Variants in NUDT4 observed in about 807,000 individuals in gnomAD.
NUDT4 encodes the protein diphosphoinositol polyphosphate phosphohydrolase 2.
NUDT4 carries 5 observed loss-of-function variants against 23.1 expected under a neutral mutation model. The observed-to-expected ratio is 0.22, with a 90% confidence interval of 0.11 to 0.46. The LOEUF (loss-of-function observed/expected upper bound fraction) is 0.46. NUDT4 is among the 20% of genes least tolerant of loss of function. NUDT4 has a pLI of 0.99. For missense variants in NUDT4, 96 were observed against 211.6 expected (o/e 0.45, Z 3.39); for synonymous variants, 50 against 79.0 (o/e 0.63, Z 1.95).
intron 1 of NUDT4, among the ~76,000 whole-genome samples, chr12:93,393,451 A>G (rs1212418646): frequency 6.6e-6 from 1 of 152,012 alleles, no homozygotes; most frequent in African/African-American, 2.4e-5. Flanking sequence ...TAGACTTCCA[A>G]ATTAAGGGCC....
In NUDT4 at chr12:93,403,704, A is replaced by G. The variant is rs887188643; in HGVS notation, c.*4325A>G. The G allele has an allele frequency of 1.3e-5, 2 of 152,198 alleles. No individual in the cohort carries two copies. Among genetic ancestry groups the G allele is most frequent in the African/African-American group, 2.4e-5 (1 of 41,442 alleles). The allele number at this position is 152,198 out of a possible 1,614,324, so 9.4% of individuals were successfully genotyped here. The stretch of plus-strand genomic sequence containing the variant: ...GACTTATACCATCTTCAAAAGCAAT[A>G]CAATTTTATTTGTAGACGTGATTTC... On this transcript the variant is annotated 3_prime_UTR_variant, in exon 5 of 5. Coordinates refer to ENST00000415493, the MANE Select transcript of NUDT4 (RefSeq NM_019094.6).
Position 93,401,981 on chromosome 12 carries a change from G to A in NUDT4, c.*2602G>A, listed in dbSNP as rs1454249641. 3.3e-5 allele frequency: 4 copies of A among 121,408 alleles called. No homozygotes were observed. Among genetic ancestry groups the A allele is most frequent in the Non-Finnish European group, 7.0e-5 (4 of 57,364 alleles). 7.5% of individuals were successfully genotyped at this position (121,408 alleles called of 1,614,324 possible). ...TAAAATTGGGCAGCTAAATTTTTCA[G>A]TTCCATGTGCCTCCCAAATAAAAAA... On this transcript the variant is annotated 3_prime_UTR_variant, in exon 5 of 5. Transcript: ENST00000415493.
intron 1 of NUDT4, among the ~76,000 whole-genome samples, chr12:93,384,326 C>A (rs1875908203): frequency 1.3e-5 from 2 of 152,104 alleles, no homozygotes; most frequent in African/African-American, 2.4e-5. Context: ...TGCTACCACG[C>A]CCAGCTAATT....
chr12:93,382,450 T>G (rs2120860148), intron 1 of NUDT4, among the ~76,000 whole-genome samples: 1 of 152,124 alleles, frequency 6.6e-6, no homozygotes, highest in South Asian at 2.1e-4. Flanking sequence ...GTGGGAAAGG[T>G]CAAGTCTGAA....
At chr12:93,383,018 C>T (rs1875799093) in intron 1 of NUDT4, among the ~76,000 whole-genome samples, 1 of 151,700 alleles carries the variant, frequency 6.6e-6, no homozygotes, top group Non-Finnish European at 1.5e-5. Flanking sequence ...GTGCCTCCAG[C>T]TCTCCCAGAA....
chr12:93,378,519 G>C, intron 1 of NUDT4, 98 bp downstream of exon 1: 2 of 1,333,632 alleles, frequency 1.5e-6, no homozygotes, highest in Non-Finnish European at 2.0e-6. Context: ...CTGCGGGGCT[G>C]GGAGGGATTA....
Position 93,404,376 on chromosome 12 carries a change from G to C in NUDT4, c.*4997G>C, listed in dbSNP as rs117010068. On this transcript the variant is annotated 3_prime_UTR_variant, in exon 5 of 5. Coordinates refer to ENST00000415493, the MANE Select transcript of NUDT4 (RefSeq NM_019094.6). ...TCATTAGAAATGACATTTGCGTAAG[G>C]ATCTGAGTGGAAACTGATACAGCCT... The C allele has an allele frequency of 3.9e-5, 6 of 152,296 alleles. No individual in the cohort carries two copies. The East Asian group carries it at 1.2e-3, about 29-fold the overall frequency. The allele number at this position is 152,296 out of a possible 1,614,324, so 9.4% of individuals were successfully genotyped here. A position where few individuals can be genotyped will look rare whatever the true frequency, so the allele number is the denominator to read the frequency against.
chr12:93,389,989 T>G (rs1281253846), intron 1 of NUDT4, among the ~76,000 whole-genome samples: 1 of 152,208 alleles, frequency 6.6e-6, no homozygotes, highest in Non-Finnish European at 1.5e-5. Flanking sequence ...TAATCTCCTG[T>G]AATTTAGCTC....
chr12:93,385,320 G>A (rs1241540695), intron 1 of NUDT4, among the ~76,000 whole-genome samples: 2 of 152,162 alleles, frequency 1.3e-5, no homozygotes, highest in African/African-American at 4.8e-5. Context: ...TTGGCTTTGG[G>A]GTCTGAGTGT....
At chr12:93,391,136 CA>C (rs2120919307) in intron 1 of NUDT4, among the ~76,000 whole-genome samples, 1 of 152,046 alleles carries the variant, frequency 6.6e-6, no homozygotes, top group Non-Finnish European at 1.5e-5. Context: ...TGCTGGCATG[CA>C]TTTAAAAGAA....
At position 93,403,740 on chromosome 12, in the gene NUDT4, T is replaced by C. The variant is rs1877632661; in HGVS notation, c.*4361T>C. On this transcript the variant is annotated 3_prime_UTR_variant, in exon 5 of 5. Coordinates refer to ENST00000415493, the MANE Select transcript of NUDT4 (RefSeq NM_019094.6). Reference sequence around the variant, plus strand: ...TGTAGACGTGATTTCCCCCACCAAATGCACATTTTATGGAGCTCTAGGACA... The same window carrying C: ...TGTAGACGTGATTTCCCCCACCAAACGCACATTTTATGGAGCTCTAGGACA... 1.3e-5 allele frequency: 2 copies of C among 152,232 alleles called. No homozygotes were observed. The highest frequency in any genetic ancestry group is 1.3e-4 in the Admixed American group (2 of 15,288). 9.4% of individuals were successfully genotyped at this position (152,232 alleles called of 1,614,324 possible). A position where few individuals can be genotyped will look rare whatever the true frequency, so the allele number is the denominator to read the frequency against.
Position 93,398,893 on chromosome 12 carries a change from CAG to C in NUDT4, c.340+40_340+41del, listed in dbSNP as rs747297962. 5 of 1,296,878 alleles carry C rather than the reference CAG, an allele frequency of 3.9e-6. No individual in the cohort carries two copies. In the Admixed American group the frequency reaches 8.9e-5, roughly 23 times the overall value. The allele number at this position is 1,296,878 out of a possible 1,614,324, so 80.3% of individuals were successfully genotyped here. A position where few individuals can be genotyped will look rare whatever the true frequency, so the allele number is the denominator to read the frequency against. On this transcript the variant is annotated intron_variant, in intron 4 of 4. Transcript: ENST00000415493. ...TTGTTATCTGAATACTCTGTTCTAA[CAG>C]AAGATTGGGAAGATTCTGTTAATAT...
chr12:93,380,465 G>A (rs958601475), intron 1 of NUDT4, among the ~76,000 whole-genome samples: 28 of 152,320 alleles, frequency 1.8e-4, no homozygotes, highest in African/African-American at 5.8e-4. Context: ...GTAAGGTGAA[G>A]TAGGGAGCAA....
At chr12:93,394,482 A>G (rs964135357) in intron 1 of NUDT4, 127 bp from the exon 2 acceptor site, 1 of 531,008 alleles carries the variant, frequency 1.9e-6, no homozygotes. Flanking sequence ...CGTACCCCCT[A>G]ATTTTAATTA....
At chr12:93,383,865 A>C (rs908037563) in intron 1 of NUDT4, among the ~76,000 whole-genome samples, 1 of 152,182 alleles carries the variant, frequency 6.6e-6, no homozygotes, top group African/African-American at 2.4e-5. Context: ...GTTTCTGAAT[A>C]GCTACAATTT....
chr12:93,403,490 T>G lies in NUDT4; in HGVS notation c.*4111T>G, dbSNP rs1410628804. On this transcript the variant is annotated 3_prime_UTR_variant, in exon 5 of 5. Coordinates refer to ENST00000415493, the MANE Select transcript of NUDT4 (RefSeq NM_019094.6). ...CCTGCCACCACGCCCGGCTAATTTT[T>G]TTGTATTTTTAGTAGAGACGGGGTT... 1.3e-5 allele frequency: 2 copies of G among 152,172 alleles called. No homozygotes were observed. The highest frequency in any genetic ancestry group is 4.8e-5 in the African/African-American group (2 of 41,408). 9.4% of individuals were successfully genotyped at this position (152,172 alleles called of 1,614,324 possible).
chr12:93,386,639 TATA>T (rs1412917935), intron 1 of NUDT4, among the ~76,000 whole-genome samples: 5 of 151,446 alleles, frequency 3.3e-5, no homozygotes, highest in Non-Finnish European at 1.5e-5. Context: ...GTAGAAAAGA[TATA>T]ATGAAGCTGA....
intron 1 of NUDT4, among the ~76,000 whole-genome samples, chr12:93,391,648 G>A (rs1876515001): frequency 6.6e-6 from 1 of 151,898 alleles, no homozygotes; most frequent in East Asian, 1.9e-4. Context: ...GGAGTGAGAG[G>A]ATCACTTGAG....
rs192097329 is a variant in NUDT4 at position 93,378,644 on chromosome 12, C to T, written c.99+223C>T. On this transcript the variant is annotated intron_variant, in intron 1 of 4. Transcript: ENST00000415493. The stretch of plus-strand genomic sequence containing the variant: ...GGGGCTCGCCCAGCCCCAGTTTCTC[C>T]ATCTGGGCACTCGAGAAGGCGCCTG... The T allele has an allele frequency of 2.6e-4, 311 of 1,198,580 alleles. 1 individual carries two copies. In the African/African-American group the frequency reaches 4.1e-3, roughly 16 times the overall value. The allele number at this position is 1,198,580 out of a possible 1,614,324, so 74.2% of individuals were successfully genotyped here.
Sources: allele counts gnomAD v4.1 joint callset (sites outside exome capture counted in the v4.1 genomes callset), GRCh38; gene constraint gnomAD v4.1.1; transcripts MANE v1.5; gene names NCBI Gene and HGNC (gene_info 2026-07-23, HGNC 2026-07-21).